Variants in FAT3 observed in about 807,000 individuals in gnomAD.
The protein encoded by FAT3 is FAT atypical cadherin 3.
A neutral mutation model predicts 310.2 loss-of-function variants in FAT3; 95 were observed. The ratio of observed to expected loss-of-function variants is 0.31; its 90% confidence interval spans 0.26 to 0.36. The LOEUF is 0.36. FAT3 is among the 10% of genes least tolerant of loss of function. FAT3 has a pLI of 1.00. For synonymous variants in FAT3, 2,314 were observed against 2,192.9 expected, an observed-to-expected ratio of 1.06 and a Z score of -1.54; for missense variants, 5,408 against 5,715.6, an observed-to-expected ratio of 0.95 and a Z score of 1.74.
intron 2 of FAT3, among the ~76,000 whole-genome samples, chr11:92,507,253 A>T (rs1953132261): frequency 6.6e-6 from 1 of 152,166 alleles, no homozygotes; most frequent in African/African-American, 2.4e-5. Flanking sequence ...ATTGGAGAAC[A>T]ATCCAAGAAA....
chr11:92,878,410 C>T (rs77046216), intron 22 of FAT3, among the ~76,000 whole-genome samples: 1,674 of 151,510 alleles, frequency 0.011, 31 homozygotes, highest in African/African-American at 0.037. Context: ...ACCCAAATAC[C>T]TTCACTGCAA....
intron 4 of FAT3, among the ~76,000 whole-genome samples, chr11:92,714,777 T>C (rs1944624735): frequency 6.6e-6 from 1 of 152,150 alleles, no homozygotes; most frequent in Non-Finnish European, 1.5e-5. Flanking sequence ...ATAAAATCAA[T>C]GGTATCTTTA....
chr11:92,558,793 C>T (rs1257705520), intron 3 of FAT3, among the ~76,000 whole-genome samples: 1 of 152,166 alleles, frequency 6.6e-6, no homozygotes, highest in Non-Finnish European at 1.5e-5. Flanking sequence ...TTTTGGAACC[C>T]TTCCAGGGGT....
At chr11:92,866,261 A>G (rs1314480125) in intron 21 of FAT3, among the ~76,000 whole-genome samples, 1 of 152,206 alleles carries the variant, frequency 6.6e-6, no homozygotes, top group Non-Finnish European at 1.5e-5. Flanking sequence ...ACTGTCAGCC[A>G]CATGAGGGCA....
rs770586504 is a variant in FAT3, at chr11:92,352,858, C to T, written c.746C>T (p.Thr249Ile). Reference protein sequence around the residue: ...KLYGNNGVSSTAKLYVHIERI... With the variant: ...KLYGNNGVSSIAKLYVHIERI... Reference sequence around the variant, plus strand: ...TATGGGAACAATGGAGTGAGCAGTACTGCAAAGCTTTATGTTCACATTGAG... The same window carrying T: ...TATGGGAACAATGGAGTGAGCAGTATTGCAAAGCTTTATGTTCACATTGAG... Residue 249 changes from threonine (T) to isoleucine (I), a missense_variant, in exon 2 of 28, where the codon ACT becomes ATT. Thr to Ile is a moderately conservative substitution (Grantham distance 89). Around this residue, in one of 5 missense-constraint regions of FAT3, gnomAD observed 4,588 missense variants for 4,809.8 expected, o/e 0.95. Transcript: ENST00000525166. The T allele has an allele frequency of 6.2e-7, 1 of 1,613,896 alleles. No individual in the cohort carries two copies. The highest frequency in any genetic ancestry group is 1.7e-5 in the Admixed American group (1 of 60,000).
At chr11:92,291,219 C>T (rs1027482522) in intron 1 of FAT3, among the ~76,000 whole-genome samples, 3 of 151,866 alleles carry the variant, frequency 2.0e-5, no homozygotes, top group African/African-American at 7.3e-5. Context: ...GATGTGTAGG[C>T]GGCAGAGTCA....
chr11:92,863,139 G>A (rs547470960), intron 21 of FAT3, among the ~76,000 whole-genome samples: 3 of 152,026 alleles, frequency 2.0e-5, no homozygotes, highest in African/African-American at 7.2e-5. Flanking sequence ...TTTGAGATGA[G>A]ATCTCACCAT....
chr11:92,268,222 G>A (rs1946022999), intron 1 of FAT3, among the ~76,000 whole-genome samples: 1 of 152,060 alleles, frequency 6.6e-6, no homozygotes, highest in Non-Finnish European at 1.5e-5. Flanking sequence ...ACTCAGAGAG[G>A]TTGAGGACCT....
chr11:92,545,275 G>T (rs551852154), intron 3 of FAT3, among the ~76,000 whole-genome samples: 3 of 152,218 alleles, frequency 2.0e-5, no homozygotes, highest in African/African-American at 7.2e-5. Flanking sequence ...TTCTTCATGT[G>T]CCCCTTCCCT....
chr11:92,255,684 C>T (rs1171422612), intron 1 of FAT3, among the ~76,000 whole-genome samples: 5 of 152,080 alleles, frequency 3.3e-5, no homozygotes, highest in Admixed American at 2.0e-4. Flanking sequence ...TTCTGTGCCT[C>T]GGTGTCCTCT....
rs778110767 is a variant in FAT3, at chr11:92,890,762, C to T, written c.13419C>T (p.Ser4473=). The part of the protein sequence containing the change: ...YEALPPSQPV[S]LASTLSPDCR... Reference sequence around the variant, plus strand: ...CCCTGCCACCCTCCCAGCCTGTCTCCCTGGCCAGCACACTGAGCCCAGACT... The same window carrying T: ...CCCTGCCACCCTCCCAGCCTGTCTCTCTGGCCAGCACACTGAGCCCAGACT... The change falls in exon 28 of 28, where the codon TCC becomes TCT. Residue 4473 remains serine, a synonymous_variant. Coordinates refer to ENST00000525166, the MANE Select transcript of FAT3 (RefSeq NM_001367949.2). 4 of 1,613,820 alleles carry T rather than the reference C, an allele frequency of 2.5e-6. No individual in the cohort carries two copies. The highest frequency in any genetic ancestry group is 2.5e-6 in the Non-Finnish European group (3 of 1,179,852).
rs1417204578 is a variant in FAT3 at position 92,859,287 on chromosome 11, A to G, written c.11623A>G (p.Met3875Val). 6.2e-7 allele frequency: 1 copy of G among 1,612,524 alleles called. No individual in the cohort carries two copies. The highest frequency in any genetic ancestry group is 1.1e-5 in the South Asian group (1 of 90,798). Residue 3875 changes from methionine to valine, a missense_variant, in exon 21 of 28, where the codon ATG becomes GTG. Met to Val is a conservative substitution (Grantham distance 21). Transcript: ENST00000525166. ...LRTLQSNGII[M>V]YTRANPCIIL... ...AACACTGCAAAGCAATGGGATTATA[A>G]TGTACACCAGAGCAAATCCCTGCAT...
intron 4 of FAT3, among the ~76,000 whole-genome samples, chr11:92,755,003 A>G (rs1565567839): frequency 6.6e-6 from 1 of 152,190 alleles, no homozygotes; most frequent in Non-Finnish European, 1.5e-5. Context: ...TGGAATGTAA[A>G]AAAGTCAAAT....
At chr11:92,717,433 G>T (rs568546232) in intron 4 of FAT3, among the ~76,000 whole-genome samples, 2 of 152,254 alleles carry the variant, frequency 1.3e-5, no homozygotes, top group South Asian at 4.1e-4. Context: ...TCACAGCTCT[G>T]TCAGGAAGCT....
Position 92,774,066 on chromosome 11 carries a change from T to A in FAT3, c.4221T>A (p.Asp1407Glu), listed in dbSNP as rs1280657724. ...GGGGGAATTTTGACAGCGCTTTTGA[T>A]GCAGAGAAGGGTGTTGGGACAATTG... ...IVGGNFDSAF[D>E]AEKGVGTIVI... The change falls in exon 7 of 28, where the codon GAT (aspartate) becomes GAA (glutamate). Residue 1407 changes from aspartate to glutamate, a missense_variant. Asp to Glu is a conservative substitution (Grantham distance 45). Transcript: ENST00000525166. 19 of 1,613,378 alleles carry A rather than the reference T, an allele frequency of 1.2e-5. No homozygotes were observed. Among genetic ancestry groups the A allele is most frequent in the Non-Finnish European group, 1.6e-5 (19 of 1,179,610 alleles).
chr11:92,859,917 T>C (rs569188405), intron 21 of FAT3, among the ~76,000 whole-genome samples: 1 of 152,240 alleles, frequency 6.6e-6, no homozygotes, highest in South Asian at 2.1e-4. Context: ...ATAATGGTAA[T>C]GGGCCAGGTG....
intron 3 of FAT3, among the ~76,000 whole-genome samples, chr11:92,578,377 C>T (rs1471102210): frequency 6.6e-6 from 1 of 152,034 alleles, no homozygotes; most frequent in Non-Finnish European, 1.5e-5. Context: ...AGTTTGGAAA[C>T]ACTAGTGTAC....
chr11:92,704,079 A>G (rs1944186907), intron 4 of FAT3, among the ~76,000 whole-genome samples: 1 of 152,216 alleles, frequency 6.6e-6, no homozygotes, highest in Non-Finnish European at 1.5e-5. Context: ...AGCTTATTGA[A>G]ATGTGGCAAA....
At chr11:92,620,159 T>C (rs1320771267) in intron 3 of FAT3, among the ~76,000 whole-genome samples, 1 of 152,164 alleles carries the variant, frequency 6.6e-6, no homozygotes, top group Non-Finnish European at 1.5e-5. Flanking sequence ...ATGAGATTTT[T>C]AAAAATGTAC....
Sources: gnomAD v4.1 joint callset for allele counts (sites outside exome capture counted in the v4.1 genomes callset) on GRCh38, gnomAD v4.1.1 for gene constraint, gnomAD v4.1.1 regional missense constraint, MANE v1.5 for transcripts, NCBI Gene and HGNC (gene_info 2026-07-23, HGNC 2026-07-21) for gene names.